BMP2K: variants seen among roughly 807,000 people sequenced by gnomAD.
The protein encoded by BMP2K is BMP-2-inducible protein kinase.
Under a neutral mutation model 116.0 loss-of-function variants are expected in BMP2K, and 74 were observed. The ratio of observed to expected loss-of-function variants is 0.64; its 90% CI spans 0.53 to 0.77. The LOEUF is 0.77. Ranked by LOEUF, BMP2K falls within the 30% of genes least tolerant of loss-of-function variation. The pLI, the probability that BMP2K is intolerant of heterozygous loss-of-function variation, is 0.00. For missense variants in BMP2K, 1,365 were observed against 1,403.6 expected, an observed-to-expected ratio of 0.97 and a Z score of 0.44; for synonymous variants, 486 against 502.5, an observed-to-expected ratio of 0.97 and a Z score of 0.44.
At chr4:78,811,606 T>C (rs1193524388) in intron 1 of BMP2K, among the ~76,000 whole-genome samples, 2 of 152,190 alleles carry the variant, frequency 1.3e-5, no homozygotes, top group African/African-American at 4.8e-5. Flanking sequence ...AACAACAAAA[T>C]TGATGTATAT....
chr4:78,813,739 G>A (rs1459183453), intron 1 of BMP2K, among the ~76,000 whole-genome samples: 2 of 152,048 alleles, frequency 1.3e-5, no homozygotes, highest in Non-Finnish European at 2.9e-5. Flanking sequence ...AAACATTTCA[G>A]CCTCCTCCAT....
chr4:78,788,895 G>GTTTTTTTTTTTTTTTTTTTTTTT (rs369759418), intron 1 of BMP2K, among the ~76,000 whole-genome samples: 1 of 107,356 alleles, frequency 9.3e-6, no homozygotes, highest in African/African-American at 3.3e-5. Context: ...AATAGTGGCT[G>GTTTTTTTTTTTTTTTTTTTTTTT]TTTTTTTTTT....
rs1305668400 is a variant in BMP2K, at chr4:78,829,782, TTTCTTTTCTC to T, written c.297+3632_297+3641del. 8.4e-3 allele frequency among the ~76,000 whole-genome samples: 543 copies of T among 64,332 alleles called. 2 individuals carry two copies. Among genetic ancestry groups the T allele is most frequent in the East Asian group, 0.067 (140 of 2,086 alleles). The allele number at this position is 64,332 out of a possible 152,430, so 42.2% of individuals were successfully genotyped here. Reference sequence around the variant, plus strand: ...TTTCTTTTCTTTTCTTTTCTTTTCTTTTCTTTTCTCTTCTCTTCTCTTCTCTTCTCTTCTC... The same window carrying T: ...TTTCTTTTCTTTTCTTTTCTTTTCTTTTCTCTTCTCTTCTCTTCTCTTCTC... On this transcript the variant is annotated intron_variant, in intron 2 of 15. Coordinates refer to ENST00000502613, the MANE Select transcript of BMP2K (RefSeq NM_198892.2).
chr4:78,813,916 T>C (rs1729207693), intron 1 of BMP2K, among the ~76,000 whole-genome samples: 1 of 152,248 alleles, frequency 6.6e-6, no homozygotes, highest in South Asian at 2.1e-4. Context: ...TGCTTGTAGT[T>C]AGTCTTGTTC....
At position 78,912,379 on chromosome 4, in the gene BMP2K, T is replaced by C. The variant is rs559273275; in HGVS notation, c.*346T>C. 194 of 197,244 alleles carry C rather than the reference T, an allele frequency of 9.8e-4. No individual in the cohort carries two copies. The highest frequency in any genetic ancestry group is 1.8e-3 in the Non-Finnish European group (174 of 97,686). The allele number at this position is 197,244 out of a possible 1,614,324, so 12.2% of individuals were successfully genotyped here. A position where few individuals can be genotyped will look rare whatever the true frequency, so the allele number is the denominator to read the frequency against. On this transcript the variant is annotated 3_prime_UTR_variant, in exon 16 of 16. Transcript: ENST00000502613. Reference sequence around the variant, plus strand: ...GACAGTGAAACTGTTATTTTTGATATCAGAATGTCATTTTTATGTGCATAT... The same window carrying C: ...GACAGTGAAACTGTTATTTTTGATACCAGAATGTCATTTTTATGTGCATAT...
chr4:78,790,519 T>C (rs1476039234), intron 1 of BMP2K, among the ~76,000 whole-genome samples: 1 of 152,148 alleles, frequency 6.6e-6, no homozygotes, highest in Non-Finnish European at 1.5e-5. Flanking sequence ...TAGAAGAACA[T>C]AAAATGAAAC....
At chr4:78,805,831 C>T (rs1728791318) in intron 1 of BMP2K, among the ~76,000 whole-genome samples, 1 of 151,930 alleles carries the variant, frequency 6.6e-6, no homozygotes, top group Non-Finnish European at 1.5e-5. Flanking sequence ...ATTAGCCGGG[C>T]ACGGTGGCGG....
In BMP2K at chr4:78,842,402, C is replaced by A; in HGVS notation, c.421C>A (p.Gln141Lys). The A allele has an allele frequency of 6.3e-7, 1 of 1,597,598 alleles. No homozygotes were observed. Among genetic ancestry groups the A allele is most frequent in the Admixed American group, 1.7e-5 (1 of 59,676 alleles). The change falls in exon 4 of 16, where the codon CAA becomes AAA. Residue 141 changes from glutamine (Q) to lysine (K), a missense_variant. Physicochemically the swap from Gln to Lys is moderately conservative, Grantham distance 53. Transcript: ENST00000502613. ...EYCRAGQVVNQMNKKLQTGFT... is the reference protein window; with the variant it reads ...EYCRAGQVVNKMNKKLQTGFT... ...TTGGTTAGCTGGACAGGTAGTGAATCAAATGAATAAGAAGCTACAGACGGG... is the reference window on the plus strand; with the variant it reads ...TTGGTTAGCTGGACAGGTAGTGAATAAAATGAATAAGAAGCTACAGACGGG...
chr4:78,795,109 C>A (rs1728189014), intron 1 of BMP2K, among the ~76,000 whole-genome samples: 2 of 152,162 alleles, frequency 1.3e-5, no homozygotes, highest in Admixed American at 1.3e-4. Flanking sequence ...GAAGGTATTC[C>A]AAACATAATT....
chr4:78,874,076 G>C (rs1239663047), intron 13 of BMP2K, among the ~76,000 whole-genome samples: 1 of 151,986 alleles, frequency 6.6e-6, no homozygotes, highest in African/African-American at 2.4e-5. Context: ...TACTTGGGAG[G>C]CTGAGGCAGG....
chr4:78,781,904 A>G (rs1727523201), intron 1 of BMP2K, among the ~76,000 whole-genome samples: 1 of 152,208 alleles, frequency 6.6e-6, no homozygotes, highest in East Asian at 1.9e-4. Flanking sequence ...GGTATGAGGA[A>G]TACCAGGACA....
At chr4:78,830,264 CTT>C (rs1167191839) in intron 2 of BMP2K, among the ~76,000 whole-genome samples, 1 of 152,146 alleles carries the variant, frequency 6.6e-6, no homozygotes, top group Non-Finnish European at 1.5e-5. Context: ...TGAAAGGAAT[CTT>C]TTTTTCTGAG....
In BMP2K at chr4:78,861,398, A is replaced by G. The variant is rs779492635; in HGVS notation, c.997A>G (p.Ile333Val). ...TTTTTTTTCTTCCAAGAATTCTTCT[A>G]TTCCTTCAGCTCTTCCTGAACCGAT... ...CPVSNINNSS[I>V]PSALPEPMTA... is the part of the protein sequence containing the mutation. The change falls in exon 9 of 16, where the codon ATT (isoleucine) becomes GTT (valine). Residue 333 changes from isoleucine to valine, a missense_variant. Ile to Val is a conservative substitution (Grantham distance 29). Transcript: ENST00000502613. 6.9e-6 allele frequency: 11 copies of G among 1,599,982 alleles called. No homozygotes were observed. The highest frequency in any genetic ancestry group is 1.7e-4 in the Middle Eastern group (1 of 5,982).
chr4:78,801,709 G>A (rs903704696), intron 1 of BMP2K, among the ~76,000 whole-genome samples: 2 of 152,010 alleles, frequency 1.3e-5, no homozygotes, highest in Non-Finnish European at 2.9e-5. Context: ...TTTTAGTGGT[G>A]GTTTATCCCA....
At chr4:78,879,490 T>A in intron 14 of BMP2K, 1 of 890,952 alleles carries the variant, frequency 1.1e-6, no homozygotes, top group Non-Finnish European at 1.3e-6. Context: ...AACTACCTAA[T>A]ATATGTCAAG....
intron 15 of BMP2K, 164 bp downstream of exon 15, chr4:78,887,448 T>C (rs1733157990): frequency 1.7e-6 from 1 of 604,514 alleles, no homozygotes; most frequent in African/African-American, 1.9e-5. Flanking sequence ...TTCTTTGCAT[T>C]GAGTTATTAT....
Position 78,906,280 on chromosome 4 carries a change from A to T in BMP2K, c.2063-4330A>T, listed in dbSNP as rs1734279340. Reference sequence around the variant, plus strand: ...AAAGTGTAGAGTGAAATATTTAAACAATGTCAGTGTGGGTTGCAAGAATAT... The same window carrying T: ...AAAGTGTAGAGTGAAATATTTAAACTATGTCAGTGTGGGTTGCAAGAATAT... On this transcript the variant is annotated intron_variant, in intron 15 of 15. Coordinates refer to ENST00000502613, the MANE Select transcript of BMP2K (RefSeq NM_198892.2). The T allele has an allele frequency of 2.0e-5, 3 of 152,228 alleles. No homozygotes were observed. In the South Asian group the frequency reaches 6.2e-4, roughly 32 times the overall value. 9.4% of individuals were successfully genotyped at this position (152,228 alleles called of 1,614,324 possible). A position where few individuals can be genotyped will look rare whatever the true frequency, so the allele number is the denominator to read the frequency against.
intron 13 of BMP2K, among the ~76,000 whole-genome samples, chr4:78,876,562 G>A (rs544341860): frequency 8.5e-4 from 130 of 152,248 alleles, no homozygotes; most frequent in African/African-American, 3.1e-3. Context: ...GACGACTTTT[G>A]CCTTTCTTTT....
Position 78,887,179 on chromosome 4 carries a change from C to A in BMP2K, c.1957C>A (p.Leu653Ile). ...REFDLLRSNRLEERASSDKNV... is the reference protein window; with the variant it reads ...REFDLLRSNRIEERASSDKNV... The stretch of plus-strand genomic sequence containing the variant: ...GTTTCATCTTATTTTTGCAGATAGG[C>A]TCGAGGAGAGAGCATCCTCAGATAA... The change falls in exon 15 of 16, where the codon CTC (leucine) becomes ATC (isoleucine). Residue 653 changes from leucine (L) to isoleucine (I), a missense_variant. Leu to Ile is a conservative substitution (Grantham distance 5, BLOSUM62 2). Around this residue, in one of 3 missense-constraint regions of BMP2K, gnomAD observed 596 missense variants for 623.2 expected, o/e 0.96. Coordinates refer to ENST00000502613, the MANE Select transcript of BMP2K (RefSeq NM_198892.2). The A allele has an allele frequency of 6.3e-7, 1 of 1,598,126 alleles. No homozygotes were observed. Among genetic ancestry groups the A allele is most frequent in the Non-Finnish European group, 8.5e-7 (1 of 1,170,076 alleles).
Sources: gnomAD v4.1 joint callset for allele counts (sites outside exome capture counted in the v4.1 genomes callset) on GRCh38, gnomAD v4.1.1 for gene constraint, gnomAD v4.1.1 regional missense constraint, MANE v1.5 for transcripts, NCBI Gene and HGNC (gene_info 2026-07-23, HGNC 2026-07-21) for gene names.